Variants in PCDHA2 observed in about 807,000 individuals in gnomAD.
PCDHA2 encodes protocadherin alpha-2.
In PCDHA2, 58 loss-of-function variants were observed where a neutral mutation model predicts 66.0. The observed-to-expected ratio is 0.88, with a 90% confidence interval of 0.71 to 1.09. PCDHA2 has a LOEUF of 1.09. Among genes scored for constraint, PCDHA2 ranks in the 50% least tolerant of loss-of-function variants. The pLI, the probability that PCDHA2 is intolerant of heterozygous loss-of-function variation, is 0.00. For missense variants in PCDHA2, 1,267 were observed against 1,242.3 expected, an observed-to-expected ratio of 1.02 and a Z score of -0.30; for synonymous variants, 634 against 554.0, an observed-to-expected ratio of 1.14 and a Z score of -2.03.
Position 140,795,834 on chromosome 5 carries a change from G to C in PCDHA2, c.870G>C (p.Gln290His), listed in dbSNP as rs782292458. ...GTAGTGATGTGTCCTCCACTATACA[G>C]ACTAAGTTTACCATAGATCCCATCT... ...SLGSDVSSTIQTKFTIDPISG... is the reference protein window; with the variant it reads ...SLGSDVSSTIHTKFTIDPISG... The change falls in exon 1 of 4, where the codon CAG becomes CAC. Residue 290 changes from glutamine to histidine, a missense_variant. By Grantham distance (24) the Gln-to-His change is conservative (BLOSUM62 0). Coordinates refer to ENST00000526136, the MANE Select transcript of PCDHA2 (RefSeq NM_018905.3). The C allele has an allele frequency of 3.7e-6, 6 of 1,613,764 alleles. No homozygotes were observed. The African/African-American group carries it at 8.0e-5, about 22-fold the overall frequency.
chr5:140,949,040 A>G (rs1419524123), intron 1 of PCDHA2, among the ~76,000 whole-genome samples: 1 of 151,758 alleles, frequency 6.6e-6, no homozygotes, highest in Non-Finnish European at 1.5e-5. Flanking sequence ...ATTTAAAAGT[A>G]TGTTCTAATT....
At position 140,869,619 on chromosome 5, in the gene PCDHA2, A is replaced by G. The variant is rs369497274; in HGVS notation, c.2388+72267A>G. On this transcript the variant is annotated intron_variant, in intron 1 of 3. Transcript: ENST00000526136. ...AGAATGCTCTATTGACCTACAGGCT[A>G]AGTAAAAATGAGTATTTTTCTTTAG... The G allele has an allele frequency of 6.6e-5, 106 of 1,613,784 alleles. 2 individuals carry two copies. The Middle Eastern group carries it at 4.9e-3, about 75-fold the overall frequency.
rs782135043 is a variant in PCDHA2 at position 140,796,783 on chromosome 5, C to G, written c.1819C>G (p.Leu607Val). ...CGCTGACTCAGGCTACAACGCGTGGCTTTCGTACGAGCTTCAGCTGGGTAC... is the reference window on the plus strand; with the variant it reads ...CGCTGACTCAGGCTACAACGCGTGGGTTTCGTACGAGCTTCAGCTGGGTAC... Reference protein sequence around the residue: ...VDADSGYNAWLSYELQLGTGS... With the variant: ...VDADSGYNAWVSYELQLGTGS... The change falls in exon 1 of 4, where the codon CTT (leucine) becomes GTT (valine). Residue 607 changes from leucine (L) to valine (V), a missense_variant. Physicochemically the swap from Leu to Val is conservative, Grantham distance 32. Transcript: ENST00000526136. The G allele has an allele frequency of 3.1e-6, 5 of 1,614,144 alleles. No individual in the cohort carries two copies. Among genetic ancestry groups the G allele is most frequent in the Non-Finnish European group, 4.2e-6 (5 of 1,179,976 alleles).
chr5:140,993,532 A>C (rs1159592677), intron 3 of PCDHA2, among the ~76,000 whole-genome samples: 1 of 151,984 alleles, frequency 6.6e-6, no homozygotes, highest in African/African-American at 2.4e-5. Flanking sequence ...ACAGAGAGAG[A>C]GAGAGATAGA....
chr5:140,876,477 G>A, intron 1 of PCDHA2: 1 of 1,614,034 alleles, frequency 6.2e-7, no homozygotes, highest in Non-Finnish European at 8.5e-7. Flanking sequence ...GTCACAGCAT[G>A]GTCCTGGTGG....
At chr5:140,992,017 C>CTGTGTGTGTGTGTG (rs10602499) in intron 3 of PCDHA2, among the ~76,000 whole-genome samples, 1 of 145,628 alleles carries the variant, frequency 6.9e-6, no homozygotes, top group African/African-American at 2.5e-5. Flanking sequence ...AGAGGTGGCT[C>CTGTGTGTGTGTGTG]TGTGTGTGTG....
At chr5:140,797,886 T>C (rs1762276716) in intron 1 of PCDHA2, among the ~76,000 whole-genome samples, 1 of 152,200 alleles carries the variant, frequency 6.6e-6, no homozygotes, top group African/African-American at 2.4e-5. Flanking sequence ...ACAGTCTTGC[T>C]CTGTCACCTA....
Position 140,857,975 on chromosome 5 carries a change from C to T in PCDHA2, c.2388+60623C>T, listed in dbSNP as rs782181380. The T allele has an allele frequency of 7.5e-6, 12 of 1,596,906 alleles. 2 individuals are homozygous for T. In the Admixed American group the frequency reaches 1.0e-4, roughly 14 times the overall value. On this transcript the variant is annotated intron_variant, in intron 1 of 3. Coordinates refer to ENST00000526136, the MANE Select transcript of PCDHA2 (RefSeq NM_018905.3). ...CGCTCTGGATGAGACTGACTCGCCA[C>T]GCCAGCGCCTACTGGTGCTGGTGAA...
intron 2 of PCDHA2, among the ~76,000 whole-genome samples, chr5:140,980,790 T>G (rs557225636): frequency 5.3e-4 from 80 of 152,312 alleles, no homozygotes; most frequent in African/African-American, 1.9e-3. Flanking sequence ...TGCCATTTCT[T>G]TTTTGCATTG....
intron 3 of PCDHA2, among the ~76,000 whole-genome samples, chr5:140,991,237 A>G (rs2097440162): frequency 6.6e-6 from 1 of 152,186 alleles, no homozygotes; most frequent in African/African-American, 2.4e-5. Context: ...ATGCAGTGGT[A>G]AAGGCAGTAT....
chr5:140,828,486 T>C, intron 1 of PCDHA2: 1 of 1,614,194 alleles, frequency 6.2e-7, no homozygotes, highest in Non-Finnish European at 8.5e-7. Flanking sequence ...AACCCGCCCT[T>C]GTTCCCGGTA....
intron 1 of PCDHA2, chr5:140,815,624 A>C (rs1025755235): frequency 2.6e-5 from 4 of 152,122 alleles, no homozygotes; most frequent in Non-Finnish European, 5.9e-5. Context: ...CCACCATTAC[A>C]GTATTATAGT....
intron 1 of PCDHA2, chr5:140,803,066 C>G: frequency 6.2e-7 from 1 of 1,613,952 alleles, no homozygotes; most frequent in Non-Finnish European, 8.5e-7. Flanking sequence ...TCCCGTTTCG[C>G]GTGGGGCTGT....
chr5:140,868,792 CCATAAATAAG>C (rs2050654448), intron 1 of PCDHA2: 1 of 326,666 alleles, frequency 3.1e-6, no homozygotes, highest in African/African-American at 2.1e-5. Flanking sequence ...TCTGAATATT[CCATAAATAAG>C]CACGTTGGAA....
At position 140,877,299 on chromosome 5, in the gene PCDHA2, C is replaced by A. The variant is rs374061607; in HGVS notation, c.2388+79947C>A. 1,401 of 1,613,926 alleles carry A rather than the reference C, an allele frequency of 8.7e-4. 20 individuals carry two copies. The South Asian group carries it at 0.013, about 15-fold the overall frequency. On this transcript the variant is annotated intron_variant, in intron 1 of 3. Transcript: ENST00000526136. ...CCGGCTATAACGCTTGGCTGTCCTA[C>A]GAGTTGCAACCGGCGGCGGTCGGCG...
chr5:140,808,639 G>A (rs782266582), intron 1 of PCDHA2: 14 of 1,613,332 alleles, frequency 8.7e-6, no homozygotes, highest in African/African-American at 2.7e-5. Flanking sequence ...ACGCGGACGC[G>A]CAGGAGAACG....
rs190126464 is a variant in PCDHA2 at position 140,851,666 on chromosome 5, T to C, written c.2388+54314T>C. On this transcript the variant is annotated intron_variant, in intron 1 of 3. Coordinates refer to ENST00000526136, the MANE Select transcript of PCDHA2 (RefSeq NM_018905.3). The stretch of plus-strand genomic sequence containing the variant: ...CTTCAAGAAGACATTCTCCTTTTAA[T>C]TGAAATTTTCTCCATTCAGTGATAA... 22 of 916,122 alleles carry C rather than the reference T, an allele frequency of 2.4e-5. 1 individual carries two copies. The East Asian group carries it at 1.7e-3, about 72-fold the overall frequency. 56.7% of individuals were successfully genotyped at this position (916,122 alleles called of 1,614,324 possible).
At chr5:140,828,114 G>C in intron 1 of PCDHA2, 1 of 1,612,228 alleles carries the variant, frequency 6.2e-7, no homozygotes, top group African/African-American at 1.3e-5. Flanking sequence ...CCGGAGGATA[G>C]ATTGGGAAAG....
intron 1 of PCDHA2, among the ~76,000 whole-genome samples, chr5:140,898,001 C>G (rs2066457062): frequency 6.6e-6 from 1 of 152,116 alleles, no homozygotes; most frequent in Non-Finnish European, 1.5e-5. Flanking sequence ...TGAGAAGTGT[C>G]TGTTCATATC....
Sources: allele counts gnomAD v4.1 joint callset (sites outside exome capture counted in the v4.1 genomes callset), GRCh38; gene constraint gnomAD v4.1.1; transcripts MANE v1.5; gene names NCBI Gene and HGNC (gene_info 2026-07-23, HGNC 2026-07-21).